Variants in SOAT1 observed in about 807,000 individuals in gnomAD.
SOAT1 encodes acyl-coenzyme A:cholesterol acyltransferase 1.
In SOAT1, 55 loss-of-function variants were observed where a neutral mutation model predicts 69.5. The observed-to-expected ratio is 0.79, with a 90% CI of 0.64 to 0.99. SOAT1 has a LOEUF of 0.99. Ranked by LOEUF, SOAT1 falls within the 50% of genes least tolerant of loss-of-function variation. SOAT1 has a pLI of 0.00. For synonymous variants in SOAT1, 231 were observed against 224.7 expected, an observed-to-expected ratio of 1.03 and a Z score of -0.25; for missense variants, 580 against 669.3, an observed-to-expected ratio of 0.87 and a Z score of 1.47.
intron 1 of SOAT1, among the ~76,000 whole-genome samples, chr1:179,298,045 A>G (rs1354521791): frequency 6.6e-6 from 1 of 151,096 alleles, no homozygotes; most frequent in Non-Finnish European, 1.5e-5. Flanking sequence ...GGTGGTGGTG[A>G]GTGGCAGGCA....
At chr1:179,341,956 G>A in intron 7 of SOAT1, 158 bp from the exon 8 acceptor site, 1 of 541,108 alleles carries the variant, frequency 1.8e-6, no homozygotes, top group Non-Finnish European at 2.4e-6. Context: ...TCATTGTTTT[G>A]TCATGTAACT....
At position 179,356,867 on chromosome 1, in the gene SOAT1, T is replaced by TA. The variant is rs1427954461; in HGVS notation, c.*3227dup. ...GCTAATTTATTTGTTTTTTTTTTTT[T>TA]AGAGATGGGGGGGGTCTCCCTATGT... On this transcript the variant is annotated 3_prime_UTR_variant, in exon 16 of 16. Coordinates refer to ENST00000367619, the MANE Select transcript of SOAT1 (RefSeq NM_003101.6). 2.8e-5 allele frequency: 4 copies of TA among 145,370 alleles called. No homozygotes were observed. Among genetic ancestry groups the TA allele is most frequent in the African/African-American group, 1.1e-4 (4 of 37,372 alleles). 9.0% of individuals were successfully genotyped at this position (145,370 alleles called of 1,614,324 possible).
chr1:179,321,585 C>A (rs1571424273), intron 2 of SOAT1, among the ~76,000 whole-genome samples: 1 of 152,208 alleles, frequency 6.6e-6, no homozygotes, highest in Admixed American at 6.5e-5. Context: ...GAACTATCCT[C>A]CATCTCTAGC....
At chr1:179,304,867 T>C (rs6425526) in intron 2 of SOAT1, among the ~76,000 whole-genome samples, 75,206 of 151,720 alleles carry the variant, frequency 0.5, 19,588 homozygotes, top group East Asian at 0.84. Context: ...AGGCTGGTCT[T>C]GAACTCTGGC....
rs1026520541 is a variant in SOAT1, at chr1:179,300,321, C to T, written c.-8-2356C>T. 4.6e-5 allele frequency among the ~76,000 whole-genome samples: 7 copies of T among 152,286 alleles called. No homozygotes were observed. In the South Asian group the frequency reaches 1.5e-3, roughly 32 times the overall value. On this transcript the variant is annotated intron_variant, in intron 1 of 15. Transcript: ENST00000367619. ...AGTTTTCAGTTCTTACTTCTCTCAT[C>T]ATTTCTGATGAAGAGATAGATGCTC...
intron 3 of SOAT1, among the ~76,000 whole-genome samples, chr1:179,331,191 A>T (rs1320577425): frequency 6.6e-6 from 1 of 152,184 alleles, no homozygotes; most frequent in East Asian, 1.9e-4. Flanking sequence ...TCTATTTTGA[A>T]TAATTTTGTG....
chr1:179,348,687 T>G (rs989119648), intron 12 of SOAT1, among the ~76,000 whole-genome samples, 157 bp from the exon 13 acceptor site: 2 of 152,056 alleles, frequency 1.3e-5, no homozygotes, highest in Admixed American at 6.6e-5. Flanking sequence ...AACCAACAGT[T>G]TATCACAGTA....
intron 5 of SOAT1, among the ~76,000 whole-genome samples, chr1:179,338,790 A>G (rs558088760): frequency 3.4e-4 from 52 of 152,264 alleles, no homozygotes; most frequent in Middle Eastern, 3.4e-3. Context: ...CATGTTTTCT[A>G]TGGCTTAGAT....
chr1:179,310,722 G>A (rs1298569151), intron 2 of SOAT1, among the ~76,000 whole-genome samples: 1 of 152,074 alleles, frequency 6.6e-6, no homozygotes, highest in South Asian at 2.1e-4. Flanking sequence ...TATAAGACAC[G>A]GTCAATGAGA....
intron 2 of SOAT1, 45 bp from the exon 3 acceptor site, chr1:179,323,392 A>G: frequency 6.7e-7 from 1 of 1,500,048 alleles, no homozygotes; most frequent in Non-Finnish European, 9.3e-7. Context: ...GCTACTAGGT[A>G]GCTGTATCCA....
Position 179,348,877 on chromosome 1 carries a change from T to G in SOAT1, c.1249T>G (p.Tyr417Asp). 6.2e-7 allele frequency: 1 copy of G among 1,611,764 alleles called. No homozygotes were observed. The highest frequency in any genetic ancestry group is 2.2e-5 in the East Asian group (1 of 44,870). Residue 417 changes from tyrosine (Y) to aspartate (D), a missense_variant, in exon 13 of 16, where the codon TAT becomes GAT. Coordinates refer to ENST00000367619, the MANE Select transcript of SOAT1 (RefSeq NM_003101.6). ...GAACTCCACGTCATACTCCAACTATTATAGAACCTGGAATGTGGTGGTCCA... is the reference window on the plus strand; with the variant it reads ...GAACTCCACGTCATACTCCAACTATGATAGAACCTGGAATGTGGTGGTCCA... ...WWNSTSYSNY[Y>D]RTWNVVVHDW...
intron 1 of SOAT1, among the ~76,000 whole-genome samples, chr1:179,301,556 T>C (rs1316547758): frequency 2.0e-5 from 3 of 152,216 alleles, no homozygotes; most frequent in African/African-American, 7.2e-5. Flanking sequence ...CCTGGGGCTG[T>C]GGTGTGCATT....
chr1:179,345,085 G>A lies in SOAT1; in HGVS notation c.1117+9G>A, dbSNP rs942046251. The A allele has an allele frequency of 2.5e-6, 4 of 1,612,586 alleles. No individual in the cohort carries two copies. Among genetic ancestry groups the A allele is most frequent in the East Asian group, 4.5e-5 (2 of 44,834 alleles). ...TAACTCCATCTTGCCAGGTAACATGGGTACTTGTTAATTTGGTCATGCATA... is the reference window on the plus strand; with the variant it reads ...TAACTCCATCTTGCCAGGTAACATGAGTACTTGTTAATTTGGTCATGCATA... On this transcript the variant is annotated intron_variant, in intron 11 of 15. Coordinates refer to ENST00000367619, the MANE Select transcript of SOAT1 (RefSeq NM_003101.6).
chr1:179,322,608 T>C (rs2124964083), intron 2 of SOAT1, among the ~76,000 whole-genome samples: 1 of 152,348 alleles, frequency 6.6e-6, no homozygotes, highest in East Asian at 1.9e-4. Flanking sequence ...GAATTGCACT[T>C]ATGTCTGCCA....
rs565274014 is a variant in SOAT1 at position 179,295,522 on chromosome 1, A to G, written c.-9+1586A>G. Among the ~76,000 whole-genome samples the G allele has an allele frequency of 7.9e-5, 12 of 152,348 alleles. No individual in the cohort carries two copies. In the South Asian group the frequency reaches 1.7e-3, roughly 21 times the overall value. ...GGGTCTGGTCCAGCACTTGGCCCAG[A>G]GAAAGAATGAATAAGTTGGTGGACA... On this transcript the variant is annotated intron_variant, in intron 1 of 15. Transcript: ENST00000367619.
At chr1:179,318,239 G>A (rs1352915600) in intron 2 of SOAT1, among the ~76,000 whole-genome samples, 1 of 146,518 alleles carries the variant, frequency 6.8e-6, no homozygotes, top group African/African-American at 2.8e-5. Flanking sequence ...TAAAAGGGCA[G>A]AGATCAATTA....
intron 13 of SOAT1, among the ~76,000 whole-genome samples, chr1:179,349,946 A>T (rs924126406): frequency 6.6e-6 from 1 of 152,188 alleles, no homozygotes; most frequent in African/African-American, 2.4e-5. Flanking sequence ...TGTTATGTGT[A>T]AAAATGGAGA....
chr1:179,337,858 A>G lies in SOAT1; in HGVS notation c.351A>G (p.Glu117=), dbSNP rs555345679. 4.8e-5 allele frequency: 78 copies of G among 1,610,906 alleles called. No individual in the cohort carries two copies. The South Asian group carries it at 8.4e-4, about 17-fold the overall frequency. Residue 117 remains glutamate (E), a synonymous_variant, in exon 5 of 16, where the codon GAA becomes GAG. Transcript: ENST00000367619. Reference sequence around the variant, plus strand: ...TCAGGGATTTGAGAGCACCTCCAGAACAAGGAAAGATTTTTATTGCAAGGC... The same window carrying G: ...TCAGGGATTTGAGAGCACCTCCAGAGCAAGGAAAGATTTTTATTGCAAGGC... ...HRAKDLRAPP[E]QGKIFIARRS...
Position 179,339,526 on chromosome 1 carries a change from G to C in SOAT1, c.478G>C (p.Asp160His), listed in dbSNP as rs1179540866. 2.5e-6 allele frequency: 4 copies of C among 1,607,460 alleles called. No individual in the cohort carries two copies. In the South Asian group the frequency reaches 4.4e-5, roughly 18 times the overall value. Reference protein sequence around the residue: ...ILFILSTLVVDYIDEGRLVLE... With the variant: ...ILFILSTLVVHYIDEGRLVLE... ...CTTTATCCTCAGCACACTTGTAGTA[G>C]ATTACATTGATGAAGGAAGGTAAGA... The change falls in exon 6 of 16, where the codon GAT becomes CAT. Residue 160 changes from aspartate to histidine, a missense_variant. Coordinates refer to ENST00000367619, the MANE Select transcript of SOAT1 (RefSeq NM_003101.6).
Sources: allele counts gnomAD v4.1 joint callset (sites outside exome capture counted in the v4.1 genomes callset), GRCh38; gene constraint gnomAD v4.1.1; transcripts MANE v1.5; gene names NCBI Gene and HGNC (gene_info 2026-07-23, HGNC 2026-07-21).